The following JPH3 variants were observed in gnomAD, a reference collection of about 807,000 sequenced individuals.
JPH3 encodes the protein junctophilin 3, also known as junctophilin-3.
In JPH3, 11 loss-of-function variants were observed where a neutral mutation model predicts 59.6. The ratio of observed to expected loss-of-function variants is 0.18; its 90% CI spans 0.12 to 0.31. The LOEUF is 0.31. Ranked by LOEUF, JPH3 falls within the 10% of genes least tolerant of loss-of-function variation. JPH3 has a pLI of 1.00. For missense variants in JPH3, 1,202 were observed against 1,105.7 expected (o/e 1.09, Z -1.24); for synonymous variants, 673 against 483.6 (o/e 1.39, Z -5.14).
chr16:87,696,551 G>T, intron 4 of JPH3, 29 bp from the exon 5 acceptor site: 1 of 1,601,256 alleles, frequency 6.2e-7, no homozygotes. Context: ...CGCAGCTGTC[G>T]CTCACCTCTT....
intron 1 of JPH3, among the ~76,000 whole-genome samples, chr16:87,642,773 C>A (rs1158587976): frequency 6.6e-6 from 1 of 152,202 alleles, no homozygotes; most frequent in Non-Finnish European, 1.5e-5. Flanking sequence ...GTCCTGGTTC[C>A]ACTCTACAGA....
At chr16:87,659,807 C>A (rs1186246620) in intron 2 of JPH3, among the ~76,000 whole-genome samples, 1 of 152,140 alleles carries the variant, frequency 6.6e-6, no homozygotes, top group African/African-American at 2.4e-5. Flanking sequence ...GCAACCATGA[C>A]CACCATCTAT....
Position 87,603,326 on chromosome 16 carries a change from G to A in JPH3, c.180G>A (p.Thr60=), listed in dbSNP as rs1220596090. 1.9e-6 allele frequency: 3 copies of A among 1,613,220 alleles called. No homozygotes were observed. The highest frequency in any genetic ancestry group is 2.5e-6 in the Non-Finnish European group (3 of 1,179,750). The change falls in exon 1 of 5, where the codon ACG becomes ACA. Residue 60 remains threonine (T), a synonymous_variant. Coordinates refer to ENST00000284262, the MANE Select transcript of JPH3 (RefSeq NM_020655.4). Reference sequence around the variant, plus strand: ...TCTACACCTGGCCCAGCGGCAACACGTACCAGGGCACCTGGGCGCAGGGCA... The same window carrying A: ...TCTACACCTGGCCCAGCGGCAACACATACCAGGGCACCTGGGCGCAGGGCA... ...LGVYTWPSGN[T]YQGTWAQGKR...
In JPH3 at chr16:87,689,632, G is replaced by C; in HGVS notation, c.1286-14G>C. 6.2e-7 allele frequency: 1 copy of C among 1,610,336 alleles called. No homozygotes were observed. The highest frequency in any genetic ancestry group is 8.5e-7 in the Non-Finnish European group (1 of 1,178,830). On this transcript the variant is annotated splice_polypyrimidine_tract_variant and intron_variant, in intron 3 of 4. Coordinates refer to ENST00000284262, the MANE Select transcript of JPH3 (RefSeq NM_020655.4). ...GGGTAACGCCGTCTGGCGTCGTCTTGTGTCCCCATACAGGGCTGGAGTACC... is the reference window on the plus strand; with the variant it reads ...GGGTAACGCCGTCTGGCGTCGTCTTCTGTCCCCATACAGGGCTGGAGTACC...
intron 1 of JPH3, among the ~76,000 whole-genome samples, chr16:87,628,235 T>C (rs1426007823): frequency 3.9e-5 from 6 of 152,354 alleles, no homozygotes; most frequent in East Asian, 1.9e-4. Flanking sequence ...TGGGAGACGA[T>C]GGTGCTGGCA....
intron 1 of JPH3, among the ~76,000 whole-genome samples, chr16:87,632,423 A>G (rs1234196302): frequency 6.6e-6 from 1 of 152,150 alleles, no homozygotes; most frequent in Non-Finnish European, 1.5e-5. Flanking sequence ...TTTCTCAGCA[A>G]TCTGGCTTTT....
intron 2 of JPH3, among the ~76,000 whole-genome samples, chr16:87,673,500 C>T (rs187913069): frequency 6.6e-6 from 1 of 152,286 alleles, no homozygotes; most frequent in East Asian, 1.9e-4. Flanking sequence ...GAAGTATCTT[C>T]TGAAGATGGA....
At chr16:87,648,226 G>C (rs928646189) in intron 2 of JPH3, among the ~76,000 whole-genome samples, 1 of 151,556 alleles carries the variant, frequency 6.6e-6, no homozygotes, top group African/African-American at 2.4e-5. Context: ...TTTCTCAATG[G>C]ACTTAGAATT....
At chr16:87,644,234 AC>A (rs775906285) in intron 1 of JPH3, 23 bp from the exon 2 acceptor site, 1 of 1,582,328 alleles carries the variant, frequency 6.3e-7, no homozygotes, top group Non-Finnish European at 8.6e-7. Context: ...CTGGGCACTC[AC>A]CCCTCTCTCA....
chr16:87,602,434 G>T (rs1194426024), upstream of JPH3, among the ~76,000 whole-genome samples: 1 of 101,364 alleles, frequency 9.9e-6, no homozygotes, highest in African/African-American at 4.1e-5. Flanking sequence ...GCGGGGGCGG[G>T]GGCGGGGGGC....
At chr16:87,652,958 C>T (rs956785824) in intron 2 of JPH3, among the ~76,000 whole-genome samples, 2 of 152,216 alleles carry the variant, frequency 1.3e-5, no homozygotes, top group African/African-American at 2.4e-5. Context: ...GCAGGCTCTT[C>T]TGTCGGCTCA....
chr16:87,609,162 A>T lies in JPH3; in HGVS notation c.382+5634A>T, dbSNP rs185114179. Among the ~76,000 whole-genome samples the T allele has an allele frequency of 5.9e-5, 9 of 152,368 alleles. No individual in the cohort carries two copies. In the East Asian group the frequency reaches 1.7e-3, roughly 29 times the overall value. On this transcript the variant is annotated intron_variant, in intron 1 of 4. Transcript: ENST00000284262. ...CTACCCTGTCAGTCCTTCCTGAAGA[A>T]GTGAGTGTCTTCTGAGGTAACATCC...
At chr16:87,658,259 C>T (rs1314075550) in intron 2 of JPH3, among the ~76,000 whole-genome samples, 2 of 152,198 alleles carry the variant, frequency 1.3e-5, no homozygotes, top group Non-Finnish European at 2.9e-5. Context: ...TGCACCCCAG[C>T]TCAGGCGTCC....
chr16:87,677,265 C>G (rs2033175939), intron 2 of JPH3, among the ~76,000 whole-genome samples: 1 of 149,736 alleles, frequency 6.7e-6, no homozygotes, highest in South Asian at 2.1e-4. Flanking sequence ...CGCCTGTAAT[C>G]CCAGCCACGT....
At position 87,644,567 on chromosome 16, in the gene JPH3, A is replaced by G. The variant is rs201133025; in HGVS notation, c.692A>G (p.Lys231Arg). The change falls in exon 2 of 5, where the codon AAG becomes AGG. Residue 231 changes from lysine to arginine, a missense_variant. Physicochemically the swap from Lys to Arg is conservative, Grantham distance 26. Coordinates refer to ENST00000284262, the MANE Select transcript of JPH3 (RefSeq NM_020655.4). ...SGLKLRKSES[K>R]SSLASQRSKQ... Reference sequence around the variant, plus strand: ...CTGAAGCTGCGCAAGTCGGAGTCCAAGAGCAGCCTGGCCAGCCAACGCAGC... The same window carrying G: ...CTGAAGCTGCGCAAGTCGGAGTCCAGGAGCAGCCTGGCCAGCCAACGCAGC... The G allele has an allele frequency of 2.8e-5, 45 of 1,612,690 alleles. No homozygotes were observed. Among genetic ancestry groups the G allele is most frequent in the Non-Finnish European group, 3.5e-5 (41 of 1,179,824 alleles).
rs140184003 is a variant in JPH3, at chr16:87,679,810, C to T, written c.1161-4332C>T. Among the ~76,000 whole-genome samples the T allele has an allele frequency of 3.5e-3, 539 of 152,358 alleles. 9 individuals are homozygous for T. The highest frequency in any genetic ancestry group is 0.027 in the Admixed American group (411 of 15,308). On this transcript the variant is annotated intron_variant, in intron 2 of 4. Coordinates refer to ENST00000284262, the MANE Select transcript of JPH3 (RefSeq NM_020655.4). ...AGTTCTCCAGGCACTGGCCAGGGGC[C>T]CCCTCAGCACACATGTCATAGTTGG...
At chr16:87,662,309 T>A (rs1339066298) in intron 2 of JPH3, among the ~76,000 whole-genome samples, 1 of 152,054 alleles carries the variant, frequency 6.6e-6, no homozygotes, top group Non-Finnish European at 1.5e-5. Flanking sequence ...TGTTTAAGGG[T>A]CAGTGGGCGC....
chr16:87,633,758 A>G (rs951070051), intron 1 of JPH3, among the ~76,000 whole-genome samples: 4 of 152,004 alleles, frequency 2.6e-5, no homozygotes, highest in Non-Finnish European at 4.4e-5. Flanking sequence ...AAGATCACAC[A>G]CTGCACTCCA....
chr16:87,665,028 A>C (rs956038866), intron 2 of JPH3, among the ~76,000 whole-genome samples: 35 of 152,248 alleles, frequency 2.3e-4, no homozygotes, highest in African/African-American at 8.4e-4. Flanking sequence ...CCCGTTTGAC[A>C]AATGGTCGGT....
Sources: gnomAD v4.1 joint callset for allele counts (sites outside exome capture counted in the v4.1 genomes callset) on GRCh38, gnomAD v4.1.1 for gene constraint, MANE v1.5 for transcripts, NCBI Gene and HGNC (gene_info 2026-07-23, HGNC 2026-07-21) for gene names.